Variants in HOOK3 observed in about 807,000 individuals in gnomAD.
The protein encoded by HOOK3 is hook microtubule tethering protein 3, also known as protein Hook homolog 3.
Under a neutral mutation model 116.3 loss-of-function variants are expected in HOOK3, and 24 were observed. The ratio of observed to expected loss-of-function variants is 0.21; its 90% CI spans 0.15 to 0.29. HOOK3 has a LOEUF of 0.29. Ranked by LOEUF, HOOK3 falls within the 10% of genes least tolerant of loss-of-function variation. HOOK3 has a pLI of 1.00. For missense variants in HOOK3, 632 were observed against 830.2 expected (o/e 0.76, Z 2.93); for synonymous variants, 275 against 283.0 (o/e 0.97, Z 0.28).
At chr8:42,966,347 C>A (rs554783031) in intron 9 of HOOK3, 126 bp from the exon 10 acceptor site, 9 of 900,434 alleles carry the variant, frequency 1.0e-5, no homozygotes, top group African/African-American at 9.9e-5. Context: ...CAGCTTGTGG[C>A]CACTAACATG....
At chr8:42,994,381 T>C in intron 15 of HOOK3, 1 of 381,094 alleles carries the variant, frequency 2.6e-6, no homozygotes, top group South Asian at 2.0e-5. Flanking sequence ...TTCTAGTTCA[T>C]TCAGTGGCAT....
chr8:42,929,586 A>G (rs1371227324), intron 3 of HOOK3, among the ~76,000 whole-genome samples: 1 of 152,246 alleles, frequency 6.6e-6, no homozygotes, highest in Admixed American at 6.5e-5. Flanking sequence ...ATTATGGCTC[A>G]TAAATACTTA....
At chr8:43,012,138 C>T (rs1446484828) in intron 19 of HOOK3, among the ~76,000 whole-genome samples, 5 of 152,152 alleles carry the variant, frequency 3.3e-5, no homozygotes, top group Admixed American at 6.5e-5. Flanking sequence ...CAGTAGTGTC[C>T]GCTGTACAGA....
intron 5 of HOOK3, among the ~76,000 whole-genome samples, chr8:42,946,686 A>G (rs997773342): frequency 6.6e-6 from 1 of 151,692 alleles, no homozygotes; most frequent in African/African-American, 2.4e-5. Flanking sequence ...TTGGTCTCCA[A>G]TTCAGTATTT....
At position 42,922,707 on chromosome 8, in the gene HOOK3, T is replaced by C. The variant is rs544521491; in HGVS notation, c.144-2850T>C. ...TGAGGTCAGGAGTTCAAGACCAGCCTGGCCAACATGGTGAAACCCTGTCTC... is the reference window on the plus strand; with the variant it reads ...TGAGGTCAGGAGTTCAAGACCAGCCCGGCCAACATGGTGAAACCCTGTCTC... On this transcript the variant is annotated intron_variant, in intron 2 of 21. Transcript: ENST00000307602. 5.8e-4 allele frequency among the ~76,000 whole-genome samples: 89 copies of C among 152,182 alleles called. 1 individual carries two copies. In the South Asian group the frequency reaches 0.018, roughly 31 times the overall value.
At position 42,957,127 on chromosome 8, in the gene HOOK3, A is replaced by C. The variant is rs1220885969; in HGVS notation, c.502A>C (p.Asn168His). 1.3e-6 allele frequency: 2 copies of C among 1,597,748 alleles called. No homozygotes were observed. Among genetic ancestry groups the C allele is most frequent in the South Asian group, 2.3e-5 (2 of 88,006 alleles). Residue 168 changes from asparagine (N) to histidine (H), a missense_variant, in exon 7 of 22, where the codon AAT (asparagine) becomes CAT (histidine). Asn to His is a moderately conservative substitution (Grantham distance 68). This residue lies in a region of HOOK3 where 483 missense variants were observed against 648.1 expected (regional missense o/e 0.75). Transcript: ENST00000307602. ...MSKESPVSAG[N>H]DAYVDLDRQL... ...TAAAGAATCTCCTGTCTCTGCTGGA[A>C]ATGATGCCTATGTTGACCTTGATCG...
intron 15 of HOOK3, among the ~76,000 whole-genome samples, chr8:42,996,253 G>T (rs1335271218): frequency 6.6e-6 from 1 of 152,006 alleles, no homozygotes; most frequent in Non-Finnish European, 1.5e-5. Context: ...AGGCATGGTG[G>T]TGCGCATCTG....
intron 7 of HOOK3, 84 bp from the exon 8 acceptor site, chr8:42,959,147 G>A (rs2130411666): frequency 4.8e-6 from 4 of 841,396 alleles, no homozygotes; most frequent in Non-Finnish European, 7.8e-6. Context: ...ACAGGGGGGA[G>A]ATGTTTTAAT....
rs1807356946 is a variant in HOOK3 at position 42,908,382 on chromosome 8, TG to T, written c.143+2126del. 3.3e-5 allele frequency among the ~76,000 whole-genome samples: 5 copies of T among 152,332 alleles called. No homozygotes were observed. In the South Asian group the frequency reaches 1.0e-3, roughly 32 times the overall value. ...GCAATCATGAGAAAAAGAACAAAGC[TG>T]GAGAAATCTCACTACCCGATTTTAA... On this transcript the variant is annotated intron_variant, in intron 2 of 21. Transcript: ENST00000307602.
At chr8:43,008,471 C>T (rs886707817) in intron 18 of HOOK3, among the ~76,000 whole-genome samples, 1 of 151,884 alleles carries the variant, frequency 6.6e-6, no homozygotes, top group African/African-American at 2.4e-5. Context: ...GCATGAGCCA[C>T]CCTGCCCGGC....
intron 14 of HOOK3, among the ~76,000 whole-genome samples, chr8:42,983,401 A>G (rs931963597): frequency 3.3e-5 from 5 of 151,988 alleles, no homozygotes; most frequent in African/African-American, 1.2e-4. Flanking sequence ...ATAATGCTAT[A>G]GACAGGAGGA....
At position 43,026,757 on chromosome 8, in the gene HOOK3, G is replaced by A. The variant is rs1280406151; in HGVS notation, c.*8259G>A. 2.6e-5 allele frequency: 6 copies of A among 228,354 alleles called. No individual in the cohort carries two copies. Among genetic ancestry groups the A allele is most frequent in the East Asian group, 1.9e-4 (3 of 16,028 alleles). 14.1% of individuals were successfully genotyped at this position (228,354 alleles called of 1,614,324 possible). On this transcript the variant is annotated 3_prime_UTR_variant, in exon 22 of 22. Coordinates refer to ENST00000307602, the MANE Select transcript of HOOK3 (RefSeq NM_032410.4). ...GCCAAGTTCTGGGAGCTGTCAAGTCGGAGGATCAGGAAAATGGTGGGGAAG... is the reference window on the plus strand; with the variant it reads ...GCCAAGTTCTGGGAGCTGTCAAGTCAGAGGATCAGGAAAATGGTGGGGAAG...
chr8:42,911,174 G>A (rs1586586944), intron 2 of HOOK3, among the ~76,000 whole-genome samples: 1 of 152,208 alleles, frequency 6.6e-6, no homozygotes, highest in South Asian at 2.1e-4. Flanking sequence ...GTAAGAGGTC[G>A]GGTGCGGTGG....
intron 19 of HOOK3, among the ~76,000 whole-genome samples, chr8:43,010,778 C>T (rs938466727): frequency 6.6e-6 from 1 of 152,122 alleles, no homozygotes; most frequent in Admixed American, 6.6e-5. Context: ...TTCCAGTTCA[C>T]AGGCAAAATA....
chr8:42,973,457 G>C, intron 12 of HOOK3, 58 bp downstream of exon 12: 2 of 1,072,724 alleles, frequency 1.9e-6, no homozygotes, highest in Non-Finnish European at 2.7e-6. Flanking sequence ...AGGCGATTAT[G>C]TTTAATTCAT....
Position 43,026,597 on chromosome 8 carries a change from A to G in HOOK3, c.*8099A>G. The G allele has an allele frequency of 4.6e-6, 1 of 218,316 alleles. No individual in the cohort carries two copies. 13.5% of individuals were successfully genotyped at this position (218,316 alleles called of 1,614,324 possible). A position where few individuals can be genotyped will look rare whatever the true frequency, so the allele number is the denominator to read the frequency against. The stretch of plus-strand genomic sequence containing the variant: ...TGATGCTTTCTGAAGTTGTATTCAT[A>G]AAAATTATCCCATCTTACAGTTAAT... On this transcript the variant is annotated 3_prime_UTR_variant, in exon 22 of 22. Coordinates refer to ENST00000307602, the MANE Select transcript of HOOK3 (RefSeq NM_032410.4).
chr8:42,951,822 T>C (rs763236164), intron 6 of HOOK3, among the ~76,000 whole-genome samples: 3 of 151,936 alleles, frequency 2.0e-5, no homozygotes, highest in Non-Finnish European at 4.4e-5. Context: ...ATGCCTGTAG[T>C]CCCAGCTTCT....
chr8:42,932,428 A>C (rs937032998), intron 4 of HOOK3, among the ~76,000 whole-genome samples: 4 of 152,208 alleles, frequency 2.6e-5, no homozygotes, highest in Non-Finnish European at 5.9e-5. Context: ...ATGCTGTTTC[A>C]GGAGTGTCAT....
chr8:42,919,496 C>T (rs1325717673), intron 2 of HOOK3, among the ~76,000 whole-genome samples: 2 of 147,668 alleles, frequency 1.4e-5, no homozygotes, highest in African/African-American at 2.5e-5. Context: ...ACATCCCAGA[C>T]GATGGGCGGC....
Sources: allele counts gnomAD v4.1 joint callset (sites outside exome capture counted in the v4.1 genomes callset), GRCh38; gene constraint gnomAD v4.1.1; regional missense constraint gnomAD v4.1.1; transcripts MANE v1.5; gene names NCBI Gene and HGNC (gene_info 2026-07-23, HGNC 2026-07-21).